The following AKAP14 variants were observed in gnomAD, a reference collection of about 807,000 sequenced individuals.
AKAP14 encodes A-kinase anchoring protein 14, also known as A-kinase anchor protein 14.
Under a neutral mutation model 17.0 loss-of-function variants are expected in AKAP14, and 4 were observed. The ratio of observed to expected loss-of-function variants is 0.23; its 90% CI spans 0.12 to 0.54. The LOEUF (loss-of-function observed/expected upper bound fraction) is 0.54, where lower values mean the gene tolerates loss of function less well. AKAP14 is among the 20% of genes least tolerant of loss of function. AKAP14 has a pLI of 0.95. For missense variants in AKAP14, 129 were observed against 150.9 expected (o/e 0.85, Z 0.76); for synonymous variants, 42 against 51.3 (o/e 0.82, Z 0.77).
At chrX:119,915,843 C>G (rs7881309) in intron 5 of AKAP14, among the ~76,000 whole-genome samples, 1,964 of 111,547 alleles carry the variant, frequency 0.018, 30 homozygotes, top group African/African-American at 0.061. Context: ...TTCTATCATC[C>G]TGGTCCAAGA....
chrX:119,914,810 G>T lies in AKAP14; in HGVS notation c.373G>T (p.Asp125Tyr), dbSNP rs1323449585. ...TGTACACTGGAGTATCTCAACTGCT[G>T]ACCTACCCGTAGCACGAATCTCTGC... ...YYVHWSISTA[D>Y]LPVARISAGT... is the part of the protein sequence containing the mutation. The change falls in exon 5 of 7, where the codon GAC becomes TAC. Residue 125 changes from aspartate to tyrosine, a missense_variant. By Grantham distance (160) the Asp-to-Tyr change is radical. Transcript: ENST00000371431. 8.3e-7 allele frequency: 1 copy of T among 1,210,966 alleles called. No homozygotes were observed. The highest frequency in any genetic ancestry group is 2.2e-5 in the Admixed American group (1 of 45,918).
chrX:119,906,581 T>A (rs1335867948), intron 4 of AKAP14, among the ~76,000 whole-genome samples: 8 of 107,040 alleles, frequency 7.5e-5, no homozygotes, highest in African/African-American at 2.7e-4. Context: ...TCACCCAGGC[T>A]GGAGTGCAAT....
intron 4 of AKAP14, among the ~76,000 whole-genome samples, chrX:119,907,142 T>G (rs2056602488): frequency 1.8e-5 from 2 of 109,683 alleles, no homozygotes; most frequent in South Asian, 4.0e-4. Flanking sequence ...TTTTTTTTTT[T>G]TTTGTGGGAC....
chrX:119,911,238 A>G (rs2056625602), intron 4 of AKAP14, among the ~76,000 whole-genome samples: 1 of 107,265 alleles, frequency 9.3e-6, no homozygotes, highest in Non-Finnish European at 1.9e-5. Flanking sequence ...CTGTAATCCC[A>G]GCTACTCAGG....
chrX:119,906,225 CTTTTTTTTTTTTTT>C (rs10637499), intron 4 of AKAP14, among the ~76,000 whole-genome samples: 1 of 50,887 alleles, frequency 2.0e-5, no homozygotes, highest in Non-Finnish European at 3.3e-5. Flanking sequence ...CCTGGCATTT[CTTTTTTTTTTTTTT>C]TTTTTTTTTT....
intron 4 of AKAP14, among the ~76,000 whole-genome samples, chrX:119,905,609 CT>C (rs1024121240): frequency 1.8e-5 from 2 of 111,249 alleles, no homozygotes; most frequent in Admixed American, 9.6e-5. Flanking sequence ...TCCTTCCCCC[CT>C]CTCACCTTCT....
At chrX:119,900,933 G>A (rs1323233126) in intron 2 of AKAP14, among the ~76,000 whole-genome samples, 1 of 112,268 alleles carries the variant, frequency 8.9e-6, no homozygotes, top group East Asian at 2.8e-4. Context: ...TAAGACTCAA[G>A]GGAAAAGATG....
intron 4 of AKAP14, among the ~76,000 whole-genome samples, chrX:119,904,856 T>C (rs2056588252): frequency 9.2e-6 from 1 of 108,567 alleles, no homozygotes; most frequent in Admixed American, 1.0e-4. Flanking sequence ...GCATTCTCAA[T>C]CCTGGGCGAC....
intron 4 of AKAP14, among the ~76,000 whole-genome samples, chrX:119,908,933 G>A (rs2056612722): frequency 9.0e-6 from 1 of 111,561 alleles, no homozygotes; most frequent in African/African-American, 3.3e-5. Context: ...CTGAGAAGAA[G>A]AAACTCTTAG....
chrX:119,897,320 T>C (rs781494572), intron 2 of AKAP14, among the ~76,000 whole-genome samples: 10 of 109,312 alleles, frequency 9.1e-5, no homozygotes, highest in Admixed American at 3.0e-4. Context: ...CCACCACGGC[T>C]GGCTAATTTT....
At chrX:119,920,345 GGATA>G (rs1171398249) in intron 6 of AKAP14, among the ~76,000 whole-genome samples, 159 bp from the exon 7 acceptor site, 3 of 111,136 alleles carry the variant, frequency 2.7e-5, no homozygotes, top group Admixed American at 1.9e-4. Flanking sequence ...AAACAGTAAA[GGATA>G]GACATAGAGA....
At chrX:119,917,144 TA>T (rs1314394933) in intron 5 of AKAP14, among the ~76,000 whole-genome samples, 11 of 104,662 alleles carry the variant, frequency 1.1e-4, no homozygotes, top group South Asian at 4.1e-4. Flanking sequence ...AAATAAAAAT[TA>T]AAAAAAAATA....
intron 5 of AKAP14, among the ~76,000 whole-genome samples, chrX:119,919,354 A>C (rs925713480): frequency 1.2e-4 from 14 of 112,392 alleles, no homozygotes; most frequent in Non-Finnish European, 1.1e-4. Context: ...CCTATTAATG[A>C]GGAGCACAAG....
intron 4 of AKAP14, among the ~76,000 whole-genome samples, chrX:119,909,315 C>T (rs941102452): frequency 2.8e-5 from 3 of 107,710 alleles, no homozygotes; most frequent in Non-Finnish European, 3.8e-5. Context: ...GGTGAAACTC[C>T]GTCTCTACTA....
chrX:119,911,283 G>A (rs1473516090), intron 4 of AKAP14, among the ~76,000 whole-genome samples: 1 of 108,062 alleles, frequency 9.3e-6, no homozygotes, highest in Non-Finnish European at 1.9e-5. Flanking sequence ...GAACTTGGAA[G>A]GCGAAGGTTG....
At chrX:119,900,601 C>T (rs2056559784) in intron 2 of AKAP14, among the ~76,000 whole-genome samples, 1 of 111,787 alleles carries the variant, frequency 8.9e-6, no homozygotes, top group Non-Finnish European at 1.9e-5. Flanking sequence ...GGTGAGATCA[C>T]GGCTCCCTGC....
intron 5 of AKAP14, 132 bp downstream of exon 5, chrX:119,915,010 A>G (rs2056649566): frequency 3.0e-6 from 2 of 664,026 alleles, no homozygotes; most frequent in Admixed American, 3.5e-5. Context: ...TGGCCTATGC[A>G]CGGCACTTGC....
chrX:119,917,576 G>A (rs558021839), intron 5 of AKAP14, among the ~76,000 whole-genome samples: 1 of 108,891 alleles, frequency 9.2e-6, no homozygotes, highest in African/African-American at 3.3e-5. Context: ...TTGCACTCCA[G>A]CCTGGGTACC....
chrX:119,900,404 T>G (rs2056558271), intron 2 of AKAP14, among the ~76,000 whole-genome samples: 1 of 111,638 alleles, frequency 9.0e-6, no homozygotes, highest in African/African-American at 3.2e-5. Context: ...AGGCCAATTT[T>G]TGTATTTTTA....
Sources: gnomAD v4.1 joint callset for allele counts (sites outside exome capture counted in the v4.1 genomes callset) on GRCh38, gnomAD v4.1.1 for gene constraint, MANE v1.5 for transcripts, NCBI Gene and HGNC (gene_info 2026-07-23, HGNC 2026-07-21) for gene names.